Variants in CCNH observed in about 807,000 individuals in gnomAD.
The protein encoded by CCNH is cyclin-H.
In CCNH, 31 loss-of-function variants were observed where a neutral mutation model predicts 41.9. The ratio of observed to expected loss-of-function variants is 0.74; its 90% CI spans 0.56 to 1.00. The LOEUF (loss-of-function observed/expected upper bound fraction) is 1.00, where lower values mean the gene tolerates loss of function less well. CCNH is among the 50% of genes least tolerant of loss of function. The pLI is 0.00. For synonymous variants in CCNH, 138 were observed against 136.1 expected, an observed-to-expected ratio of 1.01 and a Z score of -0.10; for missense variants, 362 against 388.4, an observed-to-expected ratio of 0.93 and a Z score of 0.57.
At chr5:87,404,464 G>T (rs577577050) in intron 5 of CCNH, among the ~76,000 whole-genome samples, 72 of 152,290 alleles carry the variant, frequency 4.7e-4, no homozygotes, top group African/African-American at 1.7e-3. Context: ...GCTAGCTTGT[G>T]CTTCAGTTAG....
intron 9 of CCNH, among the ~76,000 whole-genome samples, chr5:87,326,493 G>A (rs1033271793): frequency 2.0e-5 from 3 of 152,120 alleles, no homozygotes; most frequent in African/African-American, 7.2e-5. Flanking sequence ...GGGAAGACAT[G>A]TATGTACTTC....
At chr5:87,408,978 T>C (rs1475666660) in intron 3 of CCNH, 2 of 189,288 alleles carry the variant, frequency 1.1e-5, no homozygotes, top group African/African-American at 4.7e-5. Flanking sequence ...TAAATGATTC[T>C]CAGTCTGAAC....
downstream of CCNH, among the ~76,000 whole-genome samples, chr5:87,371,262 T>C (rs879536774): frequency 1.3e-5 from 2 of 151,928 alleles, no homozygotes; most frequent in Non-Finnish European, 2.9e-5. Flanking sequence ...GCTGTGGGGG[T>C]CTCTGGTTAT....
chr5:87,363,272 A>T, intron 9 of CCNH: 1 of 1,303,784 alleles, frequency 7.7e-7, no homozygotes, highest in East Asian at 2.4e-5. Context: ...TCATATTTTT[A>T]GAAACACTAA....
At chr5:87,389,364 C>A (rs1378441841), downstream of CCNH, 1 of 1,613,072 alleles carries the variant, frequency 6.2e-7, no homozygotes, top group African/African-American at 1.3e-5. Context: ...ATTTGTATTT[C>A]TAAATGCAAT....
intron 9 of CCNH, among the ~76,000 whole-genome samples, chr5:87,365,573 A>G (rs553669239): frequency 6.6e-6 from 1 of 152,290 alleles, no homozygotes; most frequent in Non-Finnish European, 1.5e-5. Context: ...TGAAAAGAAC[A>G]TAATGAATTT....
intron 9 of CCNH, chr5:87,331,602 A>C: frequency 7.9e-7 from 1 of 1,271,048 alleles, no homozygotes; most frequent in Non-Finnish European, 1.1e-6. Flanking sequence ...AGTAACAAAT[A>C]ATAGAGAAGG....
chr5:87,386,975 G>T, downstream of CCNH: 1 of 1,331,428 alleles, frequency 7.5e-7, no homozygotes, highest in Non-Finnish European at 1.1e-6. Context: ...CATTTAAGCA[G>T]CAATCTTTAG....
chr5:87,383,843 A>G, intron 9 of CCNH: 21 of 1,374,268 alleles, frequency 1.5e-5, no homozygotes, highest in Non-Finnish European at 2.1e-5. Flanking sequence ...CATACTATTT[A>G]AGAATACTCT....
intron 9 of CCNH, among the ~76,000 whole-genome samples, chr5:87,335,676 T>C (rs756492096): frequency 1.3e-5 from 2 of 152,156 alleles, no homozygotes; most frequent in Non-Finnish European, 2.9e-5. Context: ...TCTGCCCGCC[T>C]TGGCCTCCCA....
rs533035718 is a variant in CCNH at position 87,320,509 on chromosome 5, A to G, written c.*91-1612T>C. On this transcript the variant is annotated intron_variant and NMD_transcript_variant, in intron 9 of 9. Transcript: ENST00000645953. ...GACTTACAATCATGGCAGAAGGCAAAGGGGAAGCAAGAACATCTTCACATG... is the reference window on the plus strand; with the variant it reads ...GACTTACAATCATGGCAGAAGGCAAGGGGGAAGCAAGAACATCTTCACATG... Among the ~76,000 whole-genome samples the G allele has an allele frequency of 3.3e-5, 5 of 152,320 alleles. No homozygotes were observed. The South Asian group carries it at 6.2e-4, about 19-fold the overall frequency.
chr5:87,378,672 G>A, upstream of CCNH: 4 of 901,692 alleles, frequency 4.4e-6, no homozygotes, highest in South Asian at 1.7e-5. Context: ...ACACCTGTCT[G>A]TAATACATTT....
Position 87,395,104 on chromosome 5 carries a change from C to T in CCNH, c.873G>A (p.Thr291=), listed in dbSNP as rs776124200. 17 of 1,608,782 alleles carry T rather than the reference C, an allele frequency of 1.1e-5. No homozygotes were observed. Among genetic ancestry groups the T allele is most frequent in the South Asian group, 2.2e-5 (2 of 90,430 alleles). ...HSAELALNVI[T]KKRKGYEDDD... ...CATCTTCATAGCCTTTCCTCTTCTT[C>T]CTATAATTAAGCAACTATCAATAAG... Residue 291 remains threonine, a splice_region_variant and synonymous_variant, in exon 8 of 9, where the codon ACG becomes ACA. Coordinates refer to ENST00000256897, the MANE Select transcript of CCNH (RefSeq NM_001239.4).
At chr5:87,319,746 C>T (rs1388457193) in intron 9 of CCNH, among the ~76,000 whole-genome samples, 1 of 152,142 alleles carries the variant, frequency 6.6e-6, no homozygotes, top group African/African-American at 2.4e-5. Context: ...GACATTTTCC[C>T]CATTGTCTTG....
chr5:87,362,413 C>T lies in CCNH; in HGVS notation c.*90+30357G>A, dbSNP rs1378864797. 9 of 801,498 alleles carry T rather than the reference C, an allele frequency of 1.1e-5. No individual in the cohort carries two copies. In the East Asian group the frequency reaches 2.5e-4, roughly 22 times the overall value. 49.6% of individuals were successfully genotyped at this position (801,498 alleles called of 1,614,324 possible). ...CATTTCTGAGAATTTCTTTGGAAAG[C>T]AAAAGATCATTTATGTGTTATGTGT... is the stretch of plus-strand genomic sequence containing the variant. On this transcript the variant is annotated intron_variant and NMD_transcript_variant, in intron 9 of 9. Transcript: ENST00000645953.
At position 87,404,921 on chromosome 5, in the gene CCNH, G is replaced by T; in HGVS notation, c.612C>A (p.Tyr204Ter). ...FLNRIALTDA[Y>*]LLYTPSQIAL... The stretch of plus-strand genomic sequence containing the variant: ...CAATTTGGGAAGGTGTGTATAAAAG[G>T]TAAGCATCCGTCAATGCAATTCTAT... Residue 204 changes from tyrosine to a stop codon, truncating the protein, a stop_gained, in exon 5 of 9, where the codon TAC becomes TAA. Transcript: ENST00000256897. LOFTEE classifies it high-confidence loss of function. 6.2e-7 allele frequency: 1 copy of T among 1,613,064 alleles called. No individual in the cohort carries two copies. Among genetic ancestry groups the T allele is most frequent in the African/African-American group, 1.3e-5 (1 of 74,972 alleles).
chr5:87,412,688 GC>G lies in CCNH; in HGVS notation c.106del (p.Ala36ProfsTer19). 1 of 1,614,054 alleles carries G rather than the reference GC, an allele frequency of 6.2e-7. No individual in the cohort carries two copies. On this transcript the variant is annotated frameshift_variant, in exon 1 of 9. Transcript: ENST00000256897. LOFTEE classifies it high-confidence loss of function. Reference protein sequence around the residue: ...ANRKFRCKAVANGKVLPNDPV... With the variant: ...ANRKFRCKAVXNGKVLPNDPV... The stretch of plus-strand genomic sequence containing the variant: ...TTGGGAAAACCTCACCTTCCCGTTG[GC>G]CACGGCTTTGCATCTGAATTTGCGG...
At position 87,412,689 on chromosome 5, in the gene CCNH, C is replaced by T. The variant is rs1355684608; in HGVS notation, c.106G>A (p.Ala36Thr). Residue 36 changes from alanine (A) to threonine (T), a missense_variant, in exon 1 of 9, where the codon GCC becomes ACC. By Grantham distance (58) the Ala-to-Thr change is moderately conservative (BLOSUM62 0). Coordinates refer to ENST00000256897, the MANE Select transcript of CCNH (RefSeq NM_001239.4). ...TGGGAAAACCTCACCTTCCCGTTGGCCACGGCTTTGCATCTGAATTTGCGG... is the reference window on the plus strand; with the variant it reads ...TGGGAAAACCTCACCTTCCCGTTGGTCACGGCTTTGCATCTGAATTTGCGG... Reference protein sequence around the residue: ...ANRKFRCKAVANGKVLPNDPV... With the variant: ...ANRKFRCKAVTNGKVLPNDPV... 2.5e-6 allele frequency: 4 copies of T among 1,614,092 alleles called. No homozygotes were observed. In the Admixed American group the frequency reaches 6.7e-5, roughly 27 times the overall value.
downstream of CCNH, among the ~76,000 whole-genome samples, chr5:87,371,627 T>C (rs185830133): frequency 6.4e-4 from 98 of 152,236 alleles, 1 homozygote; most frequent in Middle Eastern, 0.01. Context: ...TTTCTACCTG[T>C]ATCATGGTCT....
Sources: allele counts gnomAD v4.1 joint callset (sites outside exome capture counted in the v4.1 genomes callset), GRCh38; gene constraint gnomAD v4.1.1; transcripts MANE v1.5; gene names NCBI Gene and HGNC (gene_info 2026-07-23, HGNC 2026-07-21).